The following HIVEP1 variants were observed in gnomAD, a reference collection of about 807,000 sequenced individuals.
The protein encoded by HIVEP1 is zinc finger protein 40.
A neutral mutation model predicts 180.0 loss-of-function variants in HIVEP1; 36 were observed. That is an observed-to-expected ratio of 0.20 (90% CI 0.15 to 0.26). The LOEUF (loss-of-function observed/expected upper bound fraction) is 0.26, where lower values mean the gene tolerates loss of function less well. HIVEP1 is among the 10% of genes least tolerant of loss of function. The pLI is 1.00. For missense variants in HIVEP1, 3,143 were observed against 3,268.7 expected (o/e 0.96, Z 0.94); for synonymous variants, 1,239 against 1,239.0 (o/e 1.00, Z 0.00).
chr6:12,101,277 G>C (rs1037167084), intron 3 of HIVEP1, among the ~76,000 whole-genome samples: 1 of 152,026 alleles, frequency 6.6e-6, no homozygotes, highest in Non-Finnish European at 1.5e-5. Context: ...AAGAAGGTTA[G>C]TATAACAAAT....
In HIVEP1 at chr6:12,122,468, G is replaced by C; in HGVS notation, c.2673G>C (p.Gly891=). 6.2e-7 allele frequency: 1 copy of C among 1,614,210 alleles called. No homozygotes were observed. The highest frequency in any genetic ancestry group is 8.5e-7 in the Non-Finnish European group (1 of 1,180,022). ...CTAACGCTCCTGTGCCCCAGAGTGG[G>C]CATCCCCGTACACTTGTGAGACAAG... ...SGPNAPVPQS[G]HPRTLVRQAA... Residue 891 remains glycine (G), a synonymous_variant, in exon 4 of 9, where the codon GGG becomes GGC. Transcript: ENST00000379388.
intron 2 of HIVEP1, among the ~76,000 whole-genome samples, chr6:12,054,590 C>T (rs540543537): frequency 1.3e-3 from 204 of 152,208 alleles, no homozygotes; most frequent in African/African-American, 4.6e-3. Context: ...TAGTATTTTT[C>T]GGTGTCATTA....
chr6:12,055,866 A>T (rs755161401), intron 2 of HIVEP1, among the ~76,000 whole-genome samples: 1 of 152,254 alleles, frequency 6.6e-6, no homozygotes, highest in Non-Finnish European at 1.5e-5. Flanking sequence ...CAAGTGTTCT[A>T]TTAAGCTAGT....
chr6:12,153,988 A>G (rs914035200), intron 7 of HIVEP1, among the ~76,000 whole-genome samples: 7 of 152,234 alleles, frequency 4.6e-5, no homozygotes, highest in African/African-American at 1.4e-4. Context: ...TCTCTACTAA[A>G]AGTGCAAAAA....
chr6:12,174,244 C>A, the HIVEP1 span, among the ~76,000 whole-genome samples: 1 of 151,992 alleles, frequency 6.6e-6, no homozygotes, highest in Non-Finnish European at 1.5e-5. Context: ...GGGTTGGAAA[C>A]TTTTGAATTC....
intron 2 of HIVEP1, among the ~76,000 whole-genome samples, chr6:12,031,855 C>G (rs1322158853): frequency 6.6e-6 from 1 of 152,154 alleles, no homozygotes; most frequent in African/African-American, 2.4e-5. Flanking sequence ...GCTGCATTTC[C>G]TATGAATGTG....
At chr6:12,149,041 A>G (rs1759535272) in intron 7 of HIVEP1, among the ~76,000 whole-genome samples, 1 of 152,158 alleles carries the variant, frequency 6.6e-6, no homozygotes, top group Non-Finnish European at 1.5e-5. Context: ...CTTGATCAGT[A>G]TGAAAATTGT....
At chr6:12,132,433 GAA>G (rs1368227915) in intron 6 of HIVEP1, among the ~76,000 whole-genome samples, 3 of 151,982 alleles carry the variant, frequency 2.0e-5, no homozygotes, top group African/African-American at 7.2e-5. Context: ...ATAGAAAGAA[GAA>G]AAAGAATGAG....
intron 2 of HIVEP1, among the ~76,000 whole-genome samples, chr6:12,070,420 G>A (rs1771891951): frequency 6.6e-6 from 1 of 152,124 alleles, no homozygotes; most frequent in Non-Finnish European, 1.5e-5. Context: ...GGGTGCGGTG[G>A]CTCATGCCTG....
intron 2 of HIVEP1, among the ~76,000 whole-genome samples, chr6:12,034,181 TCAAG>T (rs913876058): frequency 9.9e-5 from 15 of 152,068 alleles, no homozygotes; most frequent in African/African-American, 3.6e-4. Context: ...TTTGTAAGAG[TCAAG>T]CAAGAAGTTA....
intron 2 of HIVEP1, among the ~76,000 whole-genome samples, chr6:12,069,340 C>T (rs1265418979): frequency 6.6e-6 from 1 of 151,890 alleles, no homozygotes; most frequent in Non-Finnish European, 1.5e-5. Context: ...ATGAATAGAG[C>T]TTGAAGGACT....
chr6:12,094,932 CA>C (rs1773700256), intron 3 of HIVEP1, among the ~76,000 whole-genome samples: 1 of 151,918 alleles, frequency 6.6e-6, no homozygotes, highest in South Asian at 2.1e-4. Flanking sequence ...TTTTAACTCC[CA>C]AGTGTACTTA....
chr6:12,072,061 C>A (rs191445385), intron 2 of HIVEP1, among the ~76,000 whole-genome samples: 9 of 151,098 alleles, frequency 6.0e-5, no homozygotes, highest in Admixed American at 1.3e-4. Flanking sequence ...TCATAGTCTG[C>A]AGTCTTTGTC....
In HIVEP1 at chr6:12,161,638, C is replaced by A. The variant is rs747479010; in HGVS notation, c.6687C>A (p.Asp2229Glu). 6.2e-7 allele frequency: 1 copy of A among 1,614,032 alleles called. No homozygotes were observed. The highest frequency in any genetic ancestry group is 1.7e-5 in the Admixed American group (1 of 60,014). The change falls in exon 8 of 9, where the codon GAC becomes GAA. Residue 2229 changes from aspartate (D) to glutamate (E), a missense_variant. Asp to Glu is a conservative substitution (Grantham distance 45). Transcript: ENST00000379388. The part of the protein sequence containing the change: ...RSSLQDPVST[D>E]EDVRITDCFS... ...GCCTTCAGGACCCTGTGAGTACTGA[C>A]GAGGATGTCAGGATCACCGATTGCT... is the stretch of plus-strand genomic sequence containing the variant.
intron 2 of HIVEP1, among the ~76,000 whole-genome samples, chr6:12,061,844 A>G (rs1216779405): frequency 6.6e-6 from 1 of 152,302 alleles, no homozygotes; most frequent in South Asian, 2.1e-4. Flanking sequence ...TTTAAAAAAA[A>G]TTTCTAAGTA....
chr6:12,059,025 C>A (rs1413863688), intron 2 of HIVEP1, among the ~76,000 whole-genome samples: 1 of 151,746 alleles, frequency 6.6e-6, no homozygotes, highest in Non-Finnish European at 1.5e-5. Context: ...AATCTTGGCT[C>A]ACTGCAACCT....
At chr6:12,032,468 A>G (rs1019281181) in intron 2 of HIVEP1, among the ~76,000 whole-genome samples, 4 of 152,120 alleles carry the variant, frequency 2.6e-5, no homozygotes, top group African/African-American at 7.2e-5. Flanking sequence ...TTAAACTTCT[A>G]TAACTGAAAG....
the HIVEP1 span, among the ~76,000 whole-genome samples, chr6:12,175,892 T>A: frequency 6.6e-6 from 1 of 152,190 alleles, no homozygotes; most frequent in Non-Finnish European, 1.5e-5. Context: ...GACTTTATTC[T>A]TGGTGCAACC....
At chr6:12,012,801 C>A in intron 1 of HIVEP1, 1 of 153,020 alleles carries the variant, frequency 6.5e-6, no homozygotes, top group Non-Finnish European at 1.5e-5. Context: ...TACAGAGGGA[C>A]CCAGCCTCCC....
Sources: allele counts gnomAD v4.1 joint callset (sites outside exome capture counted in the v4.1 genomes callset), GRCh38; gene constraint gnomAD v4.1.1; transcripts MANE v1.5; gene names NCBI Gene and HGNC (gene_info 2026-07-23, HGNC 2026-07-21).